CIB4: variants seen among roughly 807,000 people sequenced by gnomAD.
CIB4 encodes the protein calcium and integrin binding family member 4.
Under a neutral mutation model 25.8 loss-of-function variants are expected in CIB4, and 25 were observed. The observed-to-expected ratio is 0.97, with a 90% CI of 0.71 to 1.35. The LOEUF (loss-of-function observed/expected upper bound fraction) is 1.35. CIB4 is among the 40% of genes most tolerant of loss of function. CIB4 has a pLI of 0.00. For synonymous variants in CIB4, 75 were observed against 81.4 expected, an observed-to-expected ratio of 0.92 and a Z score of 0.42; for missense variants, 235 against 228.2, an observed-to-expected ratio of 1.03 and a Z score of -0.19.
At chr2:26,608,241 A>C (rs142588341) in intron 3 of CIB4, among the ~76,000 whole-genome samples, 1 of 9,228 alleles carries the variant, frequency 1.1e-4, no homozygotes, top group Admixed American at 3.9e-3. Flanking sequence ...CTCTGTCTCA[A>C]AAAAAAAAAA....
intron 4 of CIB4, among the ~76,000 whole-genome samples, chr2:26,593,919 T>C (rs2148195879): frequency 6.6e-6 from 1 of 152,338 alleles, no homozygotes; most frequent in Middle Eastern, 3.4e-3. Context: ...CCTTTCTCTT[T>C]CATAGGCTCT....
chr2:26,640,496 G>A (rs1187084539), intron 2 of CIB4, 37 bp downstream of exon 2: 7 of 1,608,666 alleles, frequency 4.4e-6, no homozygotes, highest in African/African-American at 1.3e-5. Flanking sequence ...AGAGGGAGGA[G>A]CTGGGAGAAG....
At chr2:26,606,585 G>C (rs1668894431) in intron 3 of CIB4, among the ~76,000 whole-genome samples, 2 of 152,188 alleles carry the variant, frequency 1.3e-5, no homozygotes, top group Non-Finnish European at 2.9e-5. Context: ...CTTGGACTCT[G>C]AAACCCCTCA....
chr2:26,588,154 G>A (rs1668491580), intron 4 of CIB4, among the ~76,000 whole-genome samples: 1 of 152,252 alleles, frequency 6.6e-6, no homozygotes, highest in Non-Finnish European at 1.5e-5. Context: ...GACAGCTGCA[G>A]TGACACTACA....
At chr2:26,597,948 G>A (rs545034395) in intron 3 of CIB4, among the ~76,000 whole-genome samples, 1 of 151,868 alleles carries the variant, frequency 6.6e-6, no homozygotes, top group Non-Finnish European at 1.5e-5. Context: ...CCAAGCAGTG[G>A]CCATTAAAAT....
chr2:26,637,234 TC>T, intron 2 of CIB4, among the ~76,000 whole-genome samples: 1 of 152,312 alleles, frequency 6.6e-6, no homozygotes, highest in South Asian at 2.1e-4. Context: ...TGATCCTGCA[TC>T]CTGGCATTTG....
chr2:26,629,222 T>C (rs1414716600), intron 3 of CIB4, among the ~76,000 whole-genome samples, 188 bp downstream of exon 3: 1 of 152,074 alleles, frequency 6.6e-6, no homozygotes, highest in Non-Finnish European at 1.5e-5. Context: ...GGAGGCCAGA[T>C]GCATGCAGGA....
intron 3 of CIB4, among the ~76,000 whole-genome samples, chr2:26,617,145 T>TGTGTGTGTGTGTGTGTGTGTGTGTGTGC (rs1381689008): frequency 5.0e-5 from 7 of 139,024 alleles, no homozygotes; most frequent in African/African-American, 1.5e-4. Flanking sequence ...TGTGTGTGTG[T>TGTGTGTGTGTGTGTGTGTGTGTGTGTGC]GTGCACGTGA....
At chr2:26,622,508 A>G (rs1431090425) in intron 3 of CIB4, among the ~76,000 whole-genome samples, 1 of 152,114 alleles carries the variant, frequency 6.6e-6, no homozygotes, top group Non-Finnish European at 1.5e-5. Flanking sequence ...AGCTCTTCTT[A>G]GGGGAAGTCA....
intron 2 of CIB4, among the ~76,000 whole-genome samples, chr2:26,631,704 C>T (rs1369791736): frequency 6.6e-6 from 1 of 152,194 alleles, no homozygotes; most frequent in East Asian, 1.9e-4. Flanking sequence ...GTGCCCACTG[C>T]ACTCTGTGCC....
chr2:26,604,931 T>C (rs906236627), intron 3 of CIB4, among the ~76,000 whole-genome samples: 1 of 152,178 alleles, frequency 6.6e-6, no homozygotes, highest in East Asian at 1.9e-4. Flanking sequence ...CGGGACCCAA[T>C]TGATATTTTA....
At chr2:26,637,499 A>G (rs1487872169) in intron 2 of CIB4, among the ~76,000 whole-genome samples, 1 of 151,824 alleles carries the variant, frequency 6.6e-6, no homozygotes, top group African/African-American at 2.4e-5. Flanking sequence ...AAAATGCTCT[A>G]TTCTCCACGT....
intron 3 of CIB4, among the ~76,000 whole-genome samples, chr2:26,628,525 T>C (rs115478091): frequency 7.6e-4 from 115 of 152,216 alleles, no homozygotes; most frequent in African/African-American, 2.6e-3. Context: ...CCAGGACAAG[T>C]TGTGGAAACT....
chr2:26,584,190 C>T (rs1011084909), intron 4 of CIB4, among the ~76,000 whole-genome samples: 75 of 152,178 alleles, frequency 4.9e-4, no homozygotes, highest in African/African-American at 1.7e-3. Flanking sequence ...AGTCTTTTAC[C>T]AAAAAGAAAC....
chr2:26,625,305 C>G (rs1363907249), intron 3 of CIB4, among the ~76,000 whole-genome samples: 1 of 151,232 alleles, frequency 6.6e-6, no homozygotes, highest in Non-Finnish European at 1.5e-5. Flanking sequence ...GTACCTGGAC[C>G]TATGTCTGGG....
At chr2:26,638,340 G>A (rs555047054) in intron 2 of CIB4, among the ~76,000 whole-genome samples, 11 of 152,286 alleles carry the variant, frequency 7.2e-5, no homozygotes, top group Admixed American at 2.6e-4. Context: ...CAGGTCCTGG[G>A]TGGGAGGTTC....
chr2:26,590,055 G>C (rs1209499125), intron 4 of CIB4, among the ~76,000 whole-genome samples: 1 of 152,048 alleles, frequency 6.6e-6, no homozygotes, highest in Non-Finnish European at 1.5e-5. Context: ...CCTGACTCCA[G>C]ACTTTGTTTT....
chr2:26,626,243 T>A (rs1376184917), intron 3 of CIB4, among the ~76,000 whole-genome samples: 1 of 152,172 alleles, frequency 6.6e-6, no homozygotes, highest in Non-Finnish European at 1.5e-5. Flanking sequence ...AGCAAGTGAA[T>A]CCAAACCTAG....
chr2:26,612,828 G>C (rs980117489), intron 3 of CIB4, among the ~76,000 whole-genome samples: 2 of 152,184 alleles, frequency 1.3e-5, no homozygotes, highest in African/African-American at 2.4e-5. Context: ...ATGGGACAAG[G>C]GGGAGGTTCT....
Sources: gnomAD v4.1 joint callset for allele counts (sites outside exome capture counted in the v4.1 genomes callset) on GRCh38, gnomAD v4.1.1 for gene constraint, MANE v1.5 for transcripts, NCBI Gene and HGNC (gene_info 2026-07-23, HGNC 2026-07-21) for gene names.